The following ECT2L variants were observed in gnomAD, a reference collection of about 807,000 sequenced individuals.
ECT2L encodes the protein epithelial cell transforming 2 like.
ECT2L carries 126 observed loss-of-function variants against 122.8 expected under a neutral mutation model. That is an observed-to-expected ratio of 1.03 (90% CI 0.89 to 1.19). ECT2L has a LOEUF of 1.19. Ranked by LOEUF, ECT2L falls within the 50% of genes most tolerant of loss-of-function variation. The probability of loss-of-function intolerance (pLI) is 0.00; values close to 1 mark genes in which losing one functional copy is unlikely to be tolerated. For synonymous variants in ECT2L, 385 were observed against 381.8 expected, an observed-to-expected ratio of 1.01 and a Z score of -0.10; for missense variants, 1,012 against 1,064.1, an observed-to-expected ratio of 0.95 and a Z score of 0.68.
At chr6:138,839,805 TGTTA>T (rs1437840927) in intron 5 of ECT2L, among the ~76,000 whole-genome samples, 1 of 152,218 alleles carries the variant, frequency 6.6e-6, no homozygotes, top group Non-Finnish European at 1.5e-5. Context: ...TTTTTTCAAT[TGTTA>T]ATTATGGATT....
At chr6:138,900,661 C>G (rs1280931722) in intron 20 of ECT2L, among the ~76,000 whole-genome samples, 4 of 152,152 alleles carry the variant, frequency 2.6e-5, no homozygotes, top group Admixed American at 2.6e-4. Context: ...AAGGGAAAGT[C>G]AGTGTTCATT....
At chr6:138,894,994 C>T (rs1779160459) in intron 20 of ECT2L, among the ~76,000 whole-genome samples, 1 of 152,092 alleles carries the variant, frequency 6.6e-6, no homozygotes, top group Admixed American at 6.5e-5. Context: ...TGTGGTGGCT[C>T]ATTCCCGTAA....
At chr6:138,878,251 A>G (rs1434532136) in intron 14 of ECT2L, among the ~76,000 whole-genome samples, 1 of 152,086 alleles carries the variant, frequency 6.6e-6, no homozygotes, top group Admixed American at 6.6e-5. Flanking sequence ...TAAATGAAAA[A>G]CATGAGAATT....
intron 4 of ECT2L, among the ~76,000 whole-genome samples, chr6:138,819,801 C>G (rs1341045765): frequency 6.6e-6 from 1 of 151,762 alleles, no homozygotes; most frequent in African/African-American, 2.4e-5. Flanking sequence ...GCAGGAGAAT[C>G]GCTTGAACCT....
At chr6:138,831,117 C>G (rs1486720000) in intron 4 of ECT2L, among the ~76,000 whole-genome samples, 1 of 152,216 alleles carries the variant, frequency 6.6e-6, no homozygotes, top group African/African-American at 2.4e-5. Context: ...CTCATCTAAT[C>G]ACCACTTATC....
At chr6:138,802,885 G>A (rs557236540) in intron 1 of ECT2L, among the ~76,000 whole-genome samples, 2 of 152,072 alleles carry the variant, frequency 1.3e-5, no homozygotes, top group Admixed American at 6.6e-5. Flanking sequence ...GAGACAGCCT[G>A]GCCAACATGG....
rs370912519 is a variant in ECT2L, at chr6:138,842,959, T to G, written c.343-20T>G. On this transcript the variant is annotated intron_variant, in intron 5 of 21. Transcript: ENST00000541398. ...CTGTCTGAAAACAATTTGTGACTCA[T>G]CTTCCTCTTGTTTCTGAAGGATTGC... 152 of 1,461,400 alleles carry G rather than the reference T, an allele frequency of 1.0e-4. No homozygotes were observed. The African/African-American group carries it at 1.7e-3, about 16-fold the overall frequency. 90.5% of individuals were successfully genotyped at this position (1,461,400 alleles called of 1,614,324 possible). A position where few individuals can be genotyped will look rare whatever the true frequency, so the allele number is the denominator to read the frequency against.
rs1779474558 is a variant in ECT2L at position 138,903,381 on chromosome 6, A to AT, written c.*754_*755insT. 1 of 151,648 alleles carries AT rather than the reference A, an allele frequency of 6.6e-6. No individual in the cohort carries two copies. Among genetic ancestry groups the AT allele is most frequent in the Non-Finnish European group, 1.5e-5 (1 of 67,952 alleles). The allele number at this position is 151,648 out of a possible 1,614,324, so 9.4% of individuals were successfully genotyped here. A position where few individuals can be genotyped will look rare whatever the true frequency, so the allele number is the denominator to read the frequency against. ...GTCTCAAAAAAAAAAGAAAAAAAAAAGGACAAGAAATACAAATGGCAATTT... is the reference window on the plus strand; with the variant it reads ...GTCTCAAAAAAAAAAGAAAAAAAAAATGGACAAGAAATACAAATGGCAATTT... On this transcript the variant is annotated 3_prime_UTR_variant, in exon 22 of 22. Coordinates refer to ENST00000541398, the MANE Select transcript of ECT2L (RefSeq NM_001077706.3).
intron 1 of ECT2L, among the ~76,000 whole-genome samples, chr6:138,811,699 T>A (rs931769939): frequency 6.6e-6 from 1 of 152,126 alleles, no homozygotes; most frequent in African/African-American, 2.4e-5. Flanking sequence ...TGAGATGGAC[T>A]CTCGCTGTCA....
chr6:138,808,528 T>A (rs924896855), intron 1 of ECT2L, among the ~76,000 whole-genome samples: 1 of 152,192 alleles, frequency 6.6e-6, no homozygotes, highest in Non-Finnish European at 1.5e-5. Flanking sequence ...TAAATGCTGT[T>A]ATAAATGATA....
chr6:138,876,435 C>T, intron 13 of ECT2L, 37 bp from the exon 14 acceptor site: 1 of 1,483,714 alleles, frequency 6.7e-7, no homozygotes, highest in Non-Finnish European at 9.4e-7. Context: ...GATGTCAAGA[C>T]CTGCCTCCAA....
intron 10 of ECT2L, among the ~76,000 whole-genome samples, chr6:138,860,615 A>G (rs1419468402): frequency 6.6e-6 from 1 of 152,128 alleles, no homozygotes; most frequent in Non-Finnish European, 1.5e-5. Context: ...GACCACAAAT[A>G]GTTAAAATAA....
intron 4 of ECT2L, among the ~76,000 whole-genome samples, chr6:138,829,991 T>C (rs1436423499): frequency 6.6e-6 from 1 of 152,232 alleles, no homozygotes; most frequent in Non-Finnish European, 1.5e-5. Context: ...CCCAAAGTGC[T>C]GGGATTACAG....
chr6:138,805,530 G>T (rs1048773009), intron 1 of ECT2L, among the ~76,000 whole-genome samples: 1 of 152,172 alleles, frequency 6.6e-6, no homozygotes, highest in African/African-American at 2.4e-5. Context: ...GGGTTGGCTG[G>T]CCTCAGCTGG....
At chr6:138,850,533 G>A (rs1777401168) in intron 9 of ECT2L, among the ~76,000 whole-genome samples, 1 of 31,118 alleles carries the variant, frequency 3.2e-5, no homozygotes, top group Admixed American at 3.6e-4. Context: ...TATATAGTAT[G>A]TTTTATCTGT....
Position 138,854,324 on chromosome 6 carries a change from G to T in ECT2L, c.1198+170G>T, listed in dbSNP as rs552215313. Among the ~76,000 whole-genome samples, 52 of 152,280 alleles carry T rather than the reference G, an allele frequency of 3.4e-4. No homozygotes were observed. The highest frequency in any genetic ancestry group is 6.6e-4 in the Non-Finnish European group (45 of 68,028). On this transcript the variant is annotated intron_variant, in intron 10 of 21. Coordinates refer to ENST00000541398, the MANE Select transcript of ECT2L (RefSeq NM_001077706.3). ...GTATTTCAAGAAAGTAGCAGTGAGG[G>T]ATAGTGATGAAAGTAACCTGTCTCT...
At chr6:138,814,289 C>A (rs1473283494) in intron 3 of ECT2L, among the ~76,000 whole-genome samples, 1 of 152,172 alleles carries the variant, frequency 6.6e-6, no homozygotes, top group Non-Finnish European at 1.5e-5. Flanking sequence ...ACCCAACAAG[C>A]CTGGGCCTGT....
At chr6:138,850,060 A>G (rs1777379998) in intron 9 of ECT2L, among the ~76,000 whole-genome samples, 2 of 152,232 alleles carry the variant, frequency 1.3e-5, no homozygotes, top group Middle Eastern at 6.8e-3. Context: ...GGCCCTGACA[A>G]CCACCATTCG....
In ECT2L at chr6:138,838,356, G is replaced by T; in HGVS notation, c.184G>T (p.Val62Phe). 1 of 1,599,336 alleles carries T rather than the reference G, an allele frequency of 6.3e-7. No homozygotes were observed. Among genetic ancestry groups the T allele is most frequent in the South Asian group, 1.1e-5 (1 of 87,780 alleles). ...LRCTKSQLRF[V>F]QDWFSERMQV... ...TAAATTTCTCTTTCTTTTTAGGTTT[G>T]TCCAAGACTGGTTTTCAGAAAGGAT... Residue 62 changes from valine (V) to phenylalanine (F), a missense_variant, in exon 5 of 22, where the codon GTC becomes TTC. Physicochemically the swap from Val to Phe is conservative, Grantham distance 50. Transcript: ENST00000541398.
Sources: gnomAD v4.1 joint callset for allele counts (sites outside exome capture counted in the v4.1 genomes callset) on GRCh38, gnomAD v4.1.1 for gene constraint, MANE v1.5 for transcripts, NCBI Gene and HGNC (gene_info 2026-07-23, HGNC 2026-07-21) for gene names.